PRKG1: variants seen among roughly 807,000 people sequenced by gnomAD.
PRKG1 encodes the protein protein kinase cGMP-dependent 1.
Under a neutral mutation model 88.1 loss-of-function variants are expected in PRKG1, and 35 were observed. The observed-to-expected ratio is 0.40, with a 90% CI of 0.30 to 0.53. The LOEUF is 0.53. Ranked by LOEUF, PRKG1 falls within the 20% of genes least tolerant of loss-of-function variation. The pLI is 0.59. For synonymous variants in PRKG1, 303 were observed against 292.5 expected, an observed-to-expected ratio of 1.04 and a Z score of -0.37; for missense variants, 540 against 839.8, an observed-to-expected ratio of 0.64 and a Z score of 4.41.
intron 2 of PRKG1, among the ~76,000 whole-genome samples, chr10:51,413,342 AT>A (rs926615458): frequency 1.1e-4 from 15 of 139,694 alleles, no homozygotes; most frequent in African/African-American, 3.7e-4. Context: ...CTTAAAAAAA[AT>A]GTTTTTTTTT....
intron 3 of PRKG1, among the ~76,000 whole-genome samples, chr10:51,671,201 T>C (rs866354378): frequency 1.4e-4 from 21 of 152,324 alleles, no homozygotes; most frequent in African/African-American, 4.8e-4. Context: ...TCAATAGCTA[T>C]TTTCAGTTAG....
At chr10:51,085,200 G>A (rs1023755478) in intron 1 of PRKG1, among the ~76,000 whole-genome samples, 5 of 152,220 alleles carry the variant, frequency 3.3e-5, no homozygotes, top group Admixed American at 1.3e-4. Context: ...AGGAAGCACA[G>A]CTCCACACTT....
intron 5 of PRKG1, among the ~76,000 whole-genome samples, chr10:51,947,451 G>A (rs558660141): frequency 2.5e-4 from 35 of 137,582 alleles, no homozygotes; most frequent in African/African-American, 8.7e-4. Context: ...TTCGGCTCGC[G>A]CATGGTGCGC....
intron 5 of PRKG1, among the ~76,000 whole-genome samples, chr10:52,044,116 C>A (rs1845812504): frequency 6.6e-6 from 1 of 151,930 alleles, no homozygotes; most frequent in Non-Finnish European, 1.5e-5. Context: ...ACAAAGAACT[C>A]AAAAATATTT....
chr10:51,046,167 G>C lies in PRKG1; in HGVS notation c.266+54523G>C, dbSNP rs141743319. On this transcript the variant is annotated intron_variant, in intron 1 of 17. Transcript: ENST00000401604. The stretch of plus-strand genomic sequence containing the variant: ...TAACAATTGTTTACATAGGAACCTT[G>C]GTTGAATTAACCTTGATTATGCTTG... Among the ~76,000 whole-genome samples the C allele has an allele frequency of 1.5e-3, 233 of 152,278 alleles. 2 individuals are homozygous for C. The highest frequency in any genetic ancestry group is 5.6e-3 in the African/African-American group (231 of 41,560).
intron 3 of PRKG1, among the ~76,000 whole-genome samples, chr10:51,770,103 T>C (rs554360295): frequency 9.2e-5 from 14 of 152,316 alleles, no homozygotes; most frequent in Admixed American, 2.6e-4. Context: ...TATACTAACT[T>C]CCTGAACCAA....
chr10:51,907,376 A>ATTT (rs34697221), intron 4 of PRKG1, 131 bp from the exon 5 acceptor site: 73 of 534,152 alleles, frequency 1.4e-4, no homozygotes, highest in South Asian at 2.5e-4. Flanking sequence ...TGGCTAATGC[A>ATTT]TTTTTTTTTT....
chr10:52,143,637 G>C (rs1051925229), intron 8 of PRKG1, among the ~76,000 whole-genome samples: 1 of 152,126 alleles, frequency 6.6e-6, no homozygotes, highest in Non-Finnish European at 1.5e-5. Flanking sequence ...AGTCCGCTGG[G>C]GAAGCTGCTG....
chr10:51,534,370 A>G (rs879319236), intron 3 of PRKG1, among the ~76,000 whole-genome samples: 1 of 152,050 alleles, frequency 6.6e-6, no homozygotes, highest in Non-Finnish European at 1.5e-5. Context: ...AGAAAATGAA[A>G]ATGAAAGGCG....
At chr10:51,638,188 A>C (rs1222744424) in intron 3 of PRKG1, among the ~76,000 whole-genome samples, 2 of 152,188 alleles carry the variant, frequency 1.3e-5, no homozygotes, top group South Asian at 4.1e-4. Flanking sequence ...GTCTGGCTGA[A>C]TCTCTTTTTC....
intron 2 of PRKG1, among the ~76,000 whole-genome samples, chr10:51,370,777 T>C (rs560462208): frequency 5.9e-5 from 9 of 152,146 alleles, no homozygotes; most frequent in Non-Finnish European, 1.2e-4. Context: ...ACTAATCAGG[T>C]ATTTTACATG....
intron 4 of PRKG1, among the ~76,000 whole-genome samples, chr10:51,872,932 A>G (rs1370678042): frequency 2.6e-5 from 4 of 152,124 alleles, no homozygotes; most frequent in Non-Finnish European, 4.4e-5. Flanking sequence ...AAATAAATTG[A>G]AAAATAAAAT....
intron 3 of PRKG1, among the ~76,000 whole-genome samples, chr10:51,800,415 C>T (rs1016498715): frequency 6.6e-6 from 1 of 152,074 alleles, no homozygotes; most frequent in Non-Finnish European, 1.5e-5. Context: ...AACATCATAG[C>T]TTTGGCTAGC....
chr10:51,232,926 A>G (rs1480563500), intron 2 of PRKG1, among the ~76,000 whole-genome samples: 1 of 152,164 alleles, frequency 6.6e-6, no homozygotes, highest in Non-Finnish European at 1.5e-5. Context: ...GAGCTAACCT[A>G]TTCATTCAAC....
intron 16 of PRKG1, 132 bp from the exon 17 acceptor site, chr10:52,290,092 A>C (rs1842207021): frequency 3.0e-6 from 2 of 662,330 alleles, no homozygotes; most frequent in South Asian, 2.4e-5. Context: ...TATGCAATTA[A>C]ATAGAAAACA....
chr10:52,158,787 T>C (rs1188429765), intron 8 of PRKG1, among the ~76,000 whole-genome samples: 1 of 151,476 alleles, frequency 6.6e-6, no homozygotes, highest in East Asian at 1.9e-4. Flanking sequence ...TGGTTCCAAT[T>C]CCAAATGCCA....
Position 51,016,099 on chromosome 10 carries a change from C to A in PRKG1, c.266+24455C>A, listed in dbSNP as rs140322216. ...TTTGCAGGACGTCAACCTTCTAGAA[C>A]GCAGTTTCAGTTGCTTTTATTTCAA... On this transcript the variant is annotated intron_variant, in intron 1 of 17. Transcript: ENST00000401604. Among the ~76,000 whole-genome samples the A allele has an allele frequency of 3.3e-3, 509 of 152,258 alleles. 1 individual carries two copies. Among genetic ancestry groups the A allele is most frequent in the African/African-American group, 0.012 (493 of 41,558 alleles).
rs544026847 is a variant in PRKG1, at chr10:51,430,492, C to G, written c.479-37231C>G. On this transcript the variant is annotated intron_variant, in intron 2 of 17. Coordinates refer to ENST00000373980, the MANE Select transcript of PRKG1 (RefSeq NM_006258.4). ...AGAGACAGTGGGTGAAACTAGAACC[C>G]TTATACACTACTACTGTTGTGAATA... Among the ~76,000 whole-genome samples, 22 of 152,214 alleles carry G rather than the reference C, an allele frequency of 1.4e-4. 2 individuals are homozygous for G. In the South Asian group the frequency reaches 4.6e-3, roughly 32 times the overall value.
chr10:52,226,826 G>A lies in PRKG1; in HGVS notation c.1077-24744G>A, dbSNP rs1840400595. On this transcript the variant is annotated intron_variant, in intron 9 of 17. Transcript: ENST00000373980. ...AAAATATGGAAAACTTTTGTGAATA[G>A]GGTCAACATGTCAGTCATAATCACC... Among the ~76,000 whole-genome samples the A allele has an allele frequency of 3.3e-5, 5 of 152,078 alleles. No individual in the cohort carries two copies. The South Asian group carries it at 1.0e-3, about 31-fold the overall frequency.
Sources: gnomAD v4.1 joint callset for allele counts (sites outside exome capture counted in the v4.1 genomes callset) on GRCh38, gnomAD v4.1.1 for gene constraint, MANE v1.5 for transcripts, NCBI Gene and HGNC (gene_info 2026-07-23, HGNC 2026-07-21) for gene names.